Variants in MTUS2 observed in about 807,000 individuals in gnomAD.
MTUS2 encodes microtubule-associated tumor suppressor candidate 2.
In MTUS2, 40 loss-of-function variants were observed where a neutral mutation model predicts 114.1. The observed-to-expected ratio is 0.35, with a 90% confidence interval of 0.27 to 0.46. The LOEUF (loss-of-function observed/expected upper bound fraction) is 0.46. Ranked by LOEUF, MTUS2 falls within the 20% of genes least tolerant of loss-of-function variation. The probability of loss-of-function intolerance (pLI) is 1.00; values close to 1 mark genes in which losing one functional copy is unlikely to be tolerated. For missense variants in MTUS2, 1,679 were observed against 1,705.4 expected, an observed-to-expected ratio of 0.98 and a Z score of 0.27; for synonymous variants, 688 against 672.0, an observed-to-expected ratio of 1.02 and a Z score of -0.37.
At chr13:29,103,515 A>G (rs1188696506) in intron 5 of MTUS2, among the ~76,000 whole-genome samples, 1 of 152,216 alleles carries the variant, frequency 6.6e-6, no homozygotes. Context: ...GTAAGCACGA[A>G]TGAAGCTTGC....
At position 29,055,986 on chromosome 13, in the gene MTUS2, A is replaced by C. The variant is rs189035620; in HGVS notation, c.2446+21861A>C. Among the ~76,000 whole-genome samples the C allele has an allele frequency of 9.9e-5, 15 of 152,062 alleles. No individual in the cohort carries two copies. In the East Asian group the frequency reaches 2.9e-3, roughly 29 times the overall value. On this transcript the variant is annotated intron_variant, in intron 4 of 15. Transcript: ENST00000612955. ...CCTTTGTAGGATGCATAGTTTGCAA[A>C]TATTTTCTCTTATTTGGTATTGTCT...
intron 7 of MTUS2, among the ~76,000 whole-genome samples, chr13:29,330,507 C>A (rs1900725503): frequency 6.6e-6 from 1 of 152,032 alleles, no homozygotes; most frequent in African/African-American, 2.4e-5. Flanking sequence ...TGAAGTTTGC[C>A]TGTGTCTAGG....
chr13:29,412,597 G>T (rs756710150), intron 8 of MTUS2, among the ~76,000 whole-genome samples: 13 of 151,926 alleles, frequency 8.6e-5, no homozygotes, highest in Admixed American at 2.6e-4. Flanking sequence ...ATTATTAAAA[G>T]AATAAGGAAG....
intron 9 of MTUS2, among the ~76,000 whole-genome samples, chr13:29,474,505 C>T (rs778077025): frequency 2.0e-5 from 3 of 152,160 alleles, no homozygotes; most frequent in Non-Finnish European, 4.4e-5. Context: ...ATCCCTGTAC[C>T]TTGGCACCCA....
chr13:28,885,512 A>G (rs530108468), intron 2 of MTUS2, among the ~76,000 whole-genome samples: 1 of 152,348 alleles, frequency 6.6e-6, no homozygotes, highest in East Asian at 1.9e-4. Flanking sequence ...CAGCTGGTGA[A>G]TGCCCAAGTT....
At chr13:29,396,106 A>G (rs1873897547) in intron 8 of MTUS2, among the ~76,000 whole-genome samples, 1 of 152,188 alleles carries the variant, frequency 6.6e-6, no homozygotes, top group South Asian at 2.1e-4. Flanking sequence ...TTGGACACCC[A>G]CTGGGGGCAG....
At chr13:29,266,080 G>T (rs1897656928) in intron 5 of MTUS2, among the ~76,000 whole-genome samples, 1 of 152,078 alleles carries the variant, frequency 6.6e-6, no homozygotes, top group African/African-American at 2.4e-5. Flanking sequence ...CCAGTGGCAG[G>T]AAGAAAAGGG....
intron 5 of MTUS2, among the ~76,000 whole-genome samples, chr13:29,122,799 C>CCA (rs1257312011): frequency 2.7e-4 from 41 of 152,312 alleles, no homozygotes; most frequent in African/African-American, 9.6e-4. Context: ...AATGGTGCTA[C>CCA]TTTATTTAAA....
intron 2 of MTUS2, among the ~76,000 whole-genome samples, chr13:28,928,475 C>T (rs935921178): frequency 1.3e-5 from 2 of 152,144 alleles, no homozygotes; most frequent in Non-Finnish European, 1.5e-5. Context: ...AGAAGACATA[C>T]AAATGGCCAG....
chr13:29,485,949 C>T (rs1179124809), intron 10 of MTUS2, among the ~76,000 whole-genome samples: 2 of 152,088 alleles, frequency 1.3e-5, no homozygotes, highest in South Asian at 4.1e-4. Context: ...GAAGCGGGGG[C>T]CTGTGTTTTT....
At chr13:29,176,568 T>G (rs1482153884) in intron 5 of MTUS2, among the ~76,000 whole-genome samples, 1 of 152,144 alleles carries the variant, frequency 6.6e-6, no homozygotes, top group Non-Finnish European at 1.5e-5. Context: ...AAGTCCAAGA[T>G]CAAAGGCCCA....
At chr13:28,833,705 G>T (rs1874865335) in intron 1 of MTUS2, among the ~76,000 whole-genome samples, 1 of 152,016 alleles carries the variant, frequency 6.6e-6, no homozygotes, top group South Asian at 2.1e-4. Flanking sequence ...TCTAGCCAAG[G>T]CAAGGAAAAG....
chr13:29,100,827 C>A lies in MTUS2; in HGVS notation c.2501C>A (p.Ser834Tyr). ...GCTGCAAAATCCAATCTCCCGAAATCTGGTCTCCGTCCTCCCGGATACTCA... is the reference window on the plus strand; with the variant it reads ...GCTGCAAAATCCAATCTCCCGAAATATGGTCTCCGTCCTCCCGGATACTCA... ...SNAAKSNLPK[S>Y]GLRPPGYSRL... Residue 834 changes from serine (S) to tyrosine (Y), a missense_variant, in exon 5 of 16, where the codon TCT becomes TAT. Ser to Tyr is a moderately radical substitution (Grantham distance 144). This residue lies in a region of MTUS2 where 822 missense variants were observed against 899.7 expected (regional missense o/e 0.91). Transcript: ENST00000612955. 3.2e-6 allele frequency: 5 copies of A among 1,551,758 alleles called. No homozygotes were observed. The South Asian group carries it at 4.8e-5, about 15-fold the overall frequency.
intron 5 of MTUS2, among the ~76,000 whole-genome samples, chr13:29,270,079 C>T (rs1266515097): frequency 6.6e-6 from 1 of 151,996 alleles, no homozygotes; most frequent in Non-Finnish European, 1.5e-5. Flanking sequence ...TGCTGCCGTT[C>T]GTTGGGTATA....
At chr13:29,149,698 A>C (rs746420526) in intron 5 of MTUS2, among the ~76,000 whole-genome samples, 1 of 152,192 alleles carries the variant, frequency 6.6e-6, no homozygotes, top group Admixed American at 6.5e-5. Context: ...ATTTTTGTAT[A>C]TAGTGTAAAG....
At chr13:29,038,985 C>T (rs775290550) in intron 4 of MTUS2, among the ~76,000 whole-genome samples, 4 of 152,216 alleles carry the variant, frequency 2.6e-5, no homozygotes, top group Non-Finnish European at 4.4e-5. Context: ...AAAGTCTGGC[C>T]CGGTGATGCT....
At chr13:29,166,626 T>C (rs1893327821) in intron 5 of MTUS2, among the ~76,000 whole-genome samples, 1 of 152,224 alleles carries the variant, frequency 6.6e-6, no homozygotes, top group African/African-American at 2.4e-5. Context: ...CCCTGGGAAG[T>C]CAGACTAGTA....
chr13:29,097,578 G>A (rs1175977508), intron 4 of MTUS2, among the ~76,000 whole-genome samples: 1 of 152,206 alleles, frequency 6.6e-6, no homozygotes, highest in Non-Finnish European at 1.5e-5. Context: ...CTTAGTTCCA[G>A]CCGTATAACA....
chr13:29,443,259 A>G (rs1324749386), intron 9 of MTUS2, among the ~76,000 whole-genome samples: 1 of 152,242 alleles, frequency 6.6e-6, no homozygotes, highest in Non-Finnish European at 1.5e-5. Flanking sequence ...TTTCCACTCC[A>G]GGGTGAATTT....
Sources: gnomAD v4.1 joint callset for allele counts (sites outside exome capture counted in the v4.1 genomes callset) on GRCh38, gnomAD v4.1.1 for gene constraint, gnomAD v4.1.1 regional missense constraint, MANE v1.5 for transcripts, NCBI Gene and HGNC (gene_info 2026-07-23, HGNC 2026-07-21) for gene names.